ADAM22: variants seen among roughly 807,000 people sequenced by gnomAD.
The protein encoded by ADAM22 is ADAM metallopeptidase domain 22.
ADAM22 carries 65 observed loss-of-function variants against 144.6 expected under a neutral mutation model. The ratio of observed to expected loss-of-function variants is 0.45; its 90% CI spans 0.37 to 0.55. The LOEUF is 0.55. Ranked by LOEUF, ADAM22 falls within the 20% of genes least tolerant of loss-of-function variation. The pLI is 0.00. For missense variants in ADAM22, 974 were observed against 1,184.9 expected (o/e 0.82, Z 2.61); for synonymous variants, 391 against 412.6 (o/e 0.95, Z 0.63).
At chr7:88,179,777 A>AAT (rs552276776) in intron 27 of ADAM22, among the ~76,000 whole-genome samples, 13 of 152,228 alleles carry the variant, frequency 8.5e-5, no homozygotes, top group African/African-American at 3.1e-4. Context: ...ATAAATGAAA[A>AAT]GAAGAAATAA....
intron 31 of ADAM22, among the ~76,000 whole-genome samples, chr7:88,195,506 ATTTAT>A (rs749654329): frequency 1.3e-5 from 2 of 151,706 alleles, no homozygotes; most frequent in East Asian, 1.9e-4. Flanking sequence ...AGAACCTTTT[ATTTAT>A]TTTATTTTAT....
At position 88,202,559 on chromosome 7, in the gene ADAM22, A is replaced by C. The variant is rs745452195; in HGVS notation, c.*6068A>C. The C allele has an allele frequency of 7.9e-5, 12 of 152,182 alleles. No individual in the cohort carries two copies. The highest frequency in any genetic ancestry group is 1.3e-4 in the Non-Finnish European group (9 of 68,038). The allele number at this position is 152,182 out of a possible 1,614,324, so 9.4% of individuals were successfully genotyped here. A position where few individuals can be genotyped will look rare whatever the true frequency, so the allele number is the denominator to read the frequency against. The stretch of plus-strand genomic sequence containing the variant: ...TATATACTTAGATTCGCATTATTTT[A>C]ACATTTCTCTGCTACTCTGCACTTC... On this transcript the variant is annotated 3_prime_UTR_variant, in exon 32 of 32. Coordinates refer to ENST00000413139, the MANE Select transcript of ADAM22 (RefSeq NM_001324418.2).
chr7:88,041,544 T>C (rs1383966139), intron 3 of ADAM22, among the ~76,000 whole-genome samples: 1 of 151,988 alleles, frequency 6.6e-6, no homozygotes, highest in Non-Finnish European at 1.5e-5. Flanking sequence ...TGTTACCTCT[T>C]TGTAAACATT....
At position 88,200,956 on chromosome 7, in the gene ADAM22, T is replaced by A. The variant is rs1236162399; in HGVS notation, c.*4465T>A. The A allele has an allele frequency of 6.6e-6, 1 of 152,244 alleles. No homozygotes were observed. The highest frequency in any genetic ancestry group is 3.2e-3 in the Middle Eastern group (1 of 316). The allele number at this position is 152,244 out of a possible 1,614,324, so 9.4% of individuals were successfully genotyped here. ...GGCAGCAGCCCATCCCAGCTGTGTG[T>A]GAGTAGCCCCGCTGTTAAAAGTACA... On this transcript the variant is annotated 3_prime_UTR_variant, in exon 32 of 32. Transcript: ENST00000413139.
At chr7:88,166,868 A>C (rs1423312134) in intron 24 of ADAM22, among the ~76,000 whole-genome samples, 2 of 152,270 alleles carry the variant, frequency 1.3e-5, no homozygotes, top group Admixed American at 1.3e-4. Flanking sequence ...AACAAGACTA[A>C]CATCTAAGTT....
chr7:88,122,246 C>T (rs1185102632), intron 7 of ADAM22, among the ~76,000 whole-genome samples: 1 of 152,212 alleles, frequency 6.6e-6, no homozygotes, highest in Non-Finnish European at 1.5e-5. Flanking sequence ...AAGCTCACAA[C>T]ACTAGTGCTC....
chr7:88,031,216 A>G (rs1399015484), intron 3 of ADAM22, among the ~76,000 whole-genome samples: 2 of 152,186 alleles, frequency 1.3e-5, no homozygotes, highest in Non-Finnish European at 2.9e-5. Context: ...AATACAGAAA[A>G]TTGGTACCAG....
At chr7:88,148,767 G>T (rs969269201) in intron 17 of ADAM22, among the ~76,000 whole-genome samples, 9 of 152,140 alleles carry the variant, frequency 5.9e-5, no homozygotes, top group African/African-American at 2.2e-4. Context: ...TATGTGTAAT[G>T]ACTATGGAAA....
intron 3 of ADAM22, among the ~76,000 whole-genome samples, chr7:88,071,767 A>G (rs1812877388): frequency 6.6e-6 from 1 of 152,124 alleles, no homozygotes; most frequent in Non-Finnish European, 1.5e-5. Context: ...GTTGAAAATG[A>G]TTTTTACTTT....
chr7:88,024,279 T>A (rs1366819458), intron 3 of ADAM22, among the ~76,000 whole-genome samples: 1 of 152,216 alleles, frequency 6.6e-6, no homozygotes, highest in Non-Finnish European at 1.5e-5. Flanking sequence ...TTCTCCATAG[T>A]GGTCATACTA....
intron 22 of ADAM22, among the ~76,000 whole-genome samples, chr7:88,161,080 G>A (rs1420108648): frequency 1.3e-5 from 2 of 151,692 alleles, no homozygotes; most frequent in Non-Finnish European, 2.9e-5. Flanking sequence ...CCTGCACGTT[G>A]TGCACATGTA....
chr7:88,084,384 T>A (rs1354313897), intron 4 of ADAM22, among the ~76,000 whole-genome samples: 2 of 152,206 alleles, frequency 1.3e-5, no homozygotes, highest in Non-Finnish European at 2.9e-5. Flanking sequence ...TTGTCCAGAC[T>A]GAAGGGCCAG....
At chr7:88,008,117 G>C (rs540602223) in intron 3 of ADAM22, among the ~76,000 whole-genome samples, 3 of 152,104 alleles carry the variant, frequency 2.0e-5, no homozygotes, top group African/African-American at 7.2e-5. Flanking sequence ...CTCAAAAGAA[G>C]ACATTTATGC....
At chr7:88,071,687 G>T (rs1420273557) in intron 3 of ADAM22, among the ~76,000 whole-genome samples, 6 of 151,978 alleles carry the variant, frequency 3.9e-5, no homozygotes, top group South Asian at 2.1e-4. Context: ...ATGAAAAAAG[G>T]TCTCAGAAAA....
At chr7:88,006,271 C>T (rs932653121) in intron 3 of ADAM22, among the ~76,000 whole-genome samples, 2 of 152,116 alleles carry the variant, frequency 1.3e-5, no homozygotes, top group Non-Finnish European at 2.9e-5. Flanking sequence ...AGCTTACCAA[C>T]CAAAAAGTGT....
chr7:88,003,877 C>T lies in ADAM22; in HGVS notation c.323+25465C>T, dbSNP rs191655117. ...GAACATATGGAACCAGGGAAATTGC[C>T]CTTGCTCTACCGAGTCTCAAGTGAG... On this transcript the variant is annotated intron_variant, in intron 3 of 31. Coordinates refer to ENST00000413139, the MANE Select transcript of ADAM22 (RefSeq NM_001324418.2). Among the ~76,000 whole-genome samples, 350 of 152,202 alleles carry T rather than the reference C, an allele frequency of 2.3e-3. 2 individuals are homozygous for T. The highest frequency in any genetic ancestry group is 7.9e-3 in the African/African-American group (327 of 41,514).
intron 5 of ADAM22, among the ~76,000 whole-genome samples, chr7:88,111,166 GC>G (rs1825942601): frequency 6.6e-6 from 1 of 152,090 alleles, no homozygotes; most frequent in African/African-American, 2.4e-5. Flanking sequence ...ACTTTTATGA[GC>G]ACATAGGATA....
intron 26 of ADAM22, among the ~76,000 whole-genome samples, chr7:88,177,028 G>A (rs1026535091): frequency 6.6e-6 from 1 of 152,164 alleles, no homozygotes. Flanking sequence ...GCCTCCCATA[G>A]TGCTGGGATT....
chr7:88,068,435 A>G (rs892302337), intron 3 of ADAM22, among the ~76,000 whole-genome samples: 3 of 151,942 alleles, frequency 2.0e-5, no homozygotes, highest in Admixed American at 1.3e-4. Flanking sequence ...GGCTTCTTTT[A>G]TTTTCACTGG....
Sources: allele counts gnomAD v4.1 joint callset (sites outside exome capture counted in the v4.1 genomes callset), GRCh38; gene constraint gnomAD v4.1.1; transcripts MANE v1.5; gene names NCBI Gene and HGNC (gene_info 2026-07-23, HGNC 2026-07-21).